Variants in FRMD4B observed in about 807,000 individuals in gnomAD.
FRMD4B encodes the protein FERM domain containing 4B, also known as FERM domain-containing protein 4B.
In FRMD4B, 74 loss-of-function variants were observed where a neutral mutation model predicts 141.5. The ratio of observed to expected loss-of-function variants is 0.52; its 90% CI spans 0.43 to 0.63. The LOEUF is 0.63. FRMD4B is among the 30% of genes least tolerant of loss of function. The pLI is 0.00. For synonymous variants in FRMD4B, 506 were observed against 467.9 expected, an observed-to-expected ratio of 1.08 and a Z score of -1.05; for missense variants, 1,366 against 1,253.4, an observed-to-expected ratio of 1.09 and a Z score of -1.36.
intron 1 of FRMD4B, among the ~76,000 whole-genome samples, chr3:69,506,506 A>G (rs988603823): frequency 2.0e-5 from 3 of 151,764 alleles, no homozygotes; most frequent in African/African-American, 7.3e-5. Flanking sequence ...AATTCCTCAG[A>G]GTAAATAAAG....
intron 1 of FRMD4B, among the ~76,000 whole-genome samples, chr3:69,460,516 C>T (rs919294465): frequency 6.6e-6 from 1 of 152,114 alleles, no homozygotes; most frequent in African/African-American, 2.4e-5. Context: ...ATCAGTAATT[C>T]CCAAACTGGT....
At chr3:69,232,666 C>T (rs1258097227) in intron 7 of FRMD4B, among the ~76,000 whole-genome samples, 2 of 152,166 alleles carry the variant, frequency 1.3e-5, no homozygotes, top group South Asian at 2.1e-4. Flanking sequence ...AAAGCCACCC[C>T]CAGCAAATGG....
chr3:69,360,454 A>C (rs2872808), intron 1 of FRMD4B, among the ~76,000 whole-genome samples: 27,566 of 152,056 alleles, frequency 0.18, 2,644 homozygotes, highest in African/African-American at 0.23. Flanking sequence ...CAATTATCTG[A>C]TTAATGTCTT....
chr3:69,477,415 G>C lies in FRMD4B; in HGVS notation c.-128-44654C>G, dbSNP rs528527576. The stretch of plus-strand genomic sequence containing the variant: ...TTTACTGAGAGTTTTTAGCATGAAG[G>C]GTTGTTGAATTTTGTCAAAGGCCTT... On this transcript the variant is annotated intron_variant, in intron 1 of 5. Transcript: ENST00000459638. 1.5e-3 allele frequency among the ~76,000 whole-genome samples: 229 copies of C among 150,054 alleles called. 3 individuals carry two copies. Among genetic ancestry groups the C allele is most frequent in the Middle Eastern group, 3.4e-3 (1 of 294 alleles).
chr3:69,540,658 T>TACACACACACACAC (rs1235500081), intron 1 of FRMD4B, among the ~76,000 whole-genome samples: 1 of 76,898 alleles, frequency 1.3e-5, no homozygotes, highest in Admixed American at 1.8e-4. Context: ...TATATATATA[T>TACACACACACACAC]ATACACACAC....
intron 7 of FRMD4B, among the ~76,000 whole-genome samples, chr3:69,227,811 A>C (rs779964750): frequency 3.3e-5 from 5 of 152,174 alleles, no homozygotes; most frequent in Non-Finnish European, 7.3e-5. Context: ...CAAAACCTGT[A>C]GAACTGTACA....
intron 9 of FRMD4B, among the ~76,000 whole-genome samples, chr3:69,221,384 A>C (rs1284278946): frequency 1.3e-5 from 2 of 152,142 alleles, no homozygotes. Flanking sequence ...ACTCGACTCA[A>C]ATTCGAATCA....
At chr3:69,508,467 C>A (rs569613713) in intron 1 of FRMD4B, among the ~76,000 whole-genome samples, 1 of 152,198 alleles carries the variant, frequency 6.6e-6, no homozygotes, top group South Asian at 2.1e-4. Context: ...GTGGTTGCTC[C>A]AGCTATTATT....
At chr3:69,303,064 T>C (rs967173085) in intron 3 of FRMD4B, among the ~76,000 whole-genome samples, 1 of 138,456 alleles carries the variant, frequency 7.2e-6, no homozygotes, top group Non-Finnish European at 1.6e-5. Flanking sequence ...ACATCCCCTG[T>C]TAGAGTGAAA....
At chr3:69,475,758 T>G (rs554992451) in intron 1 of FRMD4B, among the ~76,000 whole-genome samples, 85 of 143,558 alleles carry the variant, frequency 5.9e-4, no homozygotes, top group Non-Finnish European at 8.4e-4. Flanking sequence ...TATTTCTAGT[T>G]CTAGATCCCT....
intron 14 of FRMD4B, 108 bp from the exon 15 acceptor site, chr3:69,195,472 T>C (rs2092893196): frequency 1.2e-6 from 1 of 824,110 alleles, no homozygotes; most frequent in Non-Finnish European, 1.8e-6. Context: ...GTAGTTTATT[T>C]CTTTTCTCCT....
intron 1 of FRMD4B, among the ~76,000 whole-genome samples, chr3:69,539,051 G>A (rs987871974): frequency 2.6e-5 from 4 of 152,170 alleles, no homozygotes; most frequent in Admixed American, 6.5e-5. Flanking sequence ...TTCATGATAA[G>A]ATCAGATCTC....
intron 10 of FRMD4B, 41 bp from the exon 11 acceptor site, chr3:69,216,390 A>T: frequency 1.0e-6 from 1 of 973,298 alleles, no homozygotes. Flanking sequence ...CCTAGCTGTT[A>T]ACTCTTCTAG....
intron 11 of FRMD4B, among the ~76,000 whole-genome samples, chr3:69,206,328 C>T (rs567234591): frequency 1.2e-4 from 18 of 151,892 alleles, no homozygotes; most frequent in South Asian, 4.2e-4. Context: ...CCAGCCTGGG[C>T]GACAGAGTGA....
At chr3:69,456,291 T>C (rs532233934) in intron 1 of FRMD4B, among the ~76,000 whole-genome samples, 3 of 152,294 alleles carry the variant, frequency 2.0e-5, no homozygotes, top group Admixed American at 2.0e-4. Flanking sequence ...TGTAAGTTGA[T>C]GTAAGTTTTC....
chr3:69,262,507 C>T (rs966575399), intron 5 of FRMD4B, among the ~76,000 whole-genome samples: 2 of 93,222 alleles, frequency 2.1e-5, no homozygotes, highest in African/African-American at 8.2e-5. Flanking sequence ...TCGCTTTTGT[C>T]CAGGCTGGAG....
chr3:69,538,508 A>C (rs1303344233), intron 1 of FRMD4B, among the ~76,000 whole-genome samples: 1 of 152,046 alleles, frequency 6.6e-6, no homozygotes, highest in East Asian at 1.9e-4. Flanking sequence ...AAATTACAGA[A>C]CTCTTATAAC....
rs904631179 is a variant in FRMD4B, at chr3:69,386,052, G to A, written c.-63C>T. The A allele has an allele frequency of 3.0e-6, 4 of 1,348,520 alleles. No individual in the cohort carries two copies. The highest frequency in any genetic ancestry group is 3.6e-5 in the South Asian group (2 of 55,756). 83.5% of individuals were successfully genotyped at this position (1,348,520 alleles called of 1,614,324 possible). ...TCGTACGTGCAGCCCCGACCCCAGC[G>A]GCCTGCCCGCCTGGGCTCCCGACGC... On this transcript the variant is annotated 5_prime_UTR_variant, in exon 1 of 23. Transcript: ENST00000398540.
At chr3:69,480,545 G>A (rs1020764863) in intron 1 of FRMD4B, among the ~76,000 whole-genome samples, 1 of 152,166 alleles carries the variant, frequency 6.6e-6, no homozygotes, top group African/African-American at 2.4e-5. Flanking sequence ...CGTGAAAGCT[G>A]CTGTCTGATC....
Sources: gnomAD v4.1 joint callset for allele counts (sites outside exome capture counted in the v4.1 genomes callset) on GRCh38, gnomAD v4.1.1 for gene constraint, MANE v1.5 for transcripts, NCBI Gene and HGNC (gene_info 2026-07-23, HGNC 2026-07-21) for gene names.